Variants in HSD17B11 observed in about 807,000 individuals in gnomAD.
HSD17B11 encodes the protein estradiol 17-beta-dehydrogenase 11.
HSD17B11 carries 22 observed loss-of-function variants against 27.8 expected under a neutral mutation model. The ratio of observed to expected loss-of-function variants is 0.79; its 90% CI spans 0.56 to 1.13. The LOEUF is 1.13. Among genes scored for constraint, HSD17B11 ranks in the 50% most tolerant of loss-of-function variants. The probability of loss-of-function intolerance (pLI) is 0.00; values close to 1 mark genes in which losing one functional copy is unlikely to be tolerated. For synonymous variants in HSD17B11, 117 were observed against 132.8 expected, an observed-to-expected ratio of 0.88 and a Z score of 0.82; for missense variants, 314 against 351.1, an observed-to-expected ratio of 0.89 and a Z score of 0.84.
chr4:87,357,915 A>T (rs1302603807), intron 4 of HSD17B11, among the ~76,000 whole-genome samples: 1 of 134,832 alleles, frequency 7.4e-6, no homozygotes, highest in Non-Finnish European at 1.6e-5. Flanking sequence ...GATAGTATCT[A>T]TCTCAGATTT....
intron 4 of HSD17B11, among the ~76,000 whole-genome samples, chr4:87,365,006 T>G (rs1735590583): frequency 6.6e-6 from 1 of 152,106 alleles, no homozygotes; most frequent in African/African-American, 2.4e-5. Context: ...CCGTCTCTAG[T>G]AAAAATACAA....
At position 87,370,878 on chromosome 4, in the gene HSD17B11, G is replaced by T. The variant is rs1221148158; in HGVS notation, c.557+1831C>A. On this transcript the variant is annotated intron_variant, in intron 4 of 6. Coordinates refer to ENST00000358290, the MANE Select transcript of HSD17B11 (RefSeq NM_016245.5). ...CGCCATTCTCCTGCCTCAGCCTCCC[G>T]AGTAGCTGGGACTACAGGCGCCCGC... Among the ~76,000 whole-genome samples, 3 of 122,388 alleles carry T rather than the reference G, an allele frequency of 2.5e-5. No homozygotes were observed. The East Asian group carries it at 6.0e-4, about 24-fold the overall frequency. 80.3% of individuals were successfully genotyped at this position (122,388 alleles called of 152,430 possible). A position where few individuals can be genotyped will look rare whatever the true frequency, so the allele number is the denominator to read the frequency against.
chr4:87,346,782 G>C (rs932532155), intron 5 of HSD17B11, among the ~76,000 whole-genome samples: 14 of 152,074 alleles, frequency 9.2e-5, no homozygotes, highest in African/African-American at 3.1e-4. Context: ...GCTAAGCTGG[G>C]TGTGGCAGCT....
chr4:87,382,429 T>G (rs1720200526), intron 1 of HSD17B11, 67 bp from the exon 2 acceptor site: 1 of 929,590 alleles, frequency 1.1e-6, no homozygotes, highest in African/African-American at 1.7e-5. Context: ...CAGCTGAAAA[T>G]AATTAAAAAT....
chr4:87,358,363 T>A (rs1735432781), intron 4 of HSD17B11, among the ~76,000 whole-genome samples: 2 of 152,174 alleles, frequency 1.3e-5, no homozygotes, highest in Admixed American at 1.3e-4. Context: ...AGTGCTTGGC[T>A]CTTAGGTGCT....
At chr4:87,378,861 T>A (rs1720011241) in intron 2 of HSD17B11, among the ~76,000 whole-genome samples, 1 of 24,660 alleles carries the variant, frequency 4.1e-5, no homozygotes, top group Non-Finnish European at 7.1e-5. Context: ...TATATAAATA[T>A]ATATAAATAT....
At chr4:87,390,648 G>C (rs28415220) in intron 1 of HSD17B11, among the ~76,000 whole-genome samples, 22,637 of 152,062 alleles carry the variant, frequency 0.15, 1,765 homozygotes, top group East Asian at 0.23. Flanking sequence ...ATTTACAAAT[G>C]GGGCAGTAAC....
intron 5 of HSD17B11, 82 bp downstream of exon 5, chr4:87,357,197 G>T: frequency 7.2e-7 from 1 of 1,392,510 alleles, no homozygotes. Context: ...GTGTTTTCAG[G>T]ATTAAAACAT....
intron 2 of HSD17B11, among the ~76,000 whole-genome samples, chr4:87,381,261 A>C (rs1212869187): frequency 6.6e-6 from 1 of 151,784 alleles, no homozygotes; most frequent in African/African-American, 2.4e-5. Flanking sequence ...TTGCTGAATC[A>C]CACTTTTTAT....
chr4:87,368,151 A>G (rs1190531875), intron 4 of HSD17B11, among the ~76,000 whole-genome samples: 1 of 152,074 alleles, frequency 6.6e-6, no homozygotes, highest in Admixed American at 6.6e-5. Flanking sequence ...TCCCGTCTCT[A>G]CTAAAAATAC....
chr4:87,390,948 AATCAGC>A lies in HSD17B11; in HGVS notation c.117_122del (p.Leu40_Ile41del). ...TCCCAATTCCATGCCCAGCTCCTGTAATCAGCACGATTTCGCCGGTGACTGATTTTC... is the reference window on the plus strand; with the variant it reads ...TCCCAATTCCATGCCCAGCTCCTGTAACGATTTCGCCGGTGACTGATTTTC... On this transcript the variant is annotated inframe_deletion, in exon 1 of 7. Transcript: ENST00000358290. 1 of 1,614,188 alleles carries A rather than the reference AATCAGC, an allele frequency of 6.2e-7. No individual in the cohort carries two copies. Among genetic ancestry groups the A allele is most frequent in the Non-Finnish European group, 8.5e-7 (1 of 1,180,020 alleles).
intron 1 of HSD17B11, among the ~76,000 whole-genome samples, chr4:87,389,673 C>T (rs1436350235): frequency 6.6e-6 from 1 of 152,122 alleles, no homozygotes; most frequent in Non-Finnish European, 1.5e-5. Context: ...CTGGGTTAAC[C>T]CTCATTTAAC....
intron 4 of HSD17B11, 72 bp from the exon 5 acceptor site, chr4:87,357,488 G>T: frequency 7.0e-7 from 1 of 1,422,826 alleles, no homozygotes; most frequent in Non-Finnish European, 9.5e-7. Context: ...GTTCAGCATG[G>T]TCCTCTGCAG....
intron 2 of HSD17B11, among the ~76,000 whole-genome samples, chr4:87,381,149 T>A (rs4585263): frequency 0.32 from 44,314 of 138,720 alleles, 7,176 homozygotes; most frequent in African/African-American, 0.36. Context: ...ATCACGCCAC[T>A]GCACTCCAGC....
At chr4:87,388,610 G>C (rs74486610) in intron 1 of HSD17B11, among the ~76,000 whole-genome samples, 6,128 of 152,228 alleles carry the variant, frequency 0.04, 408 homozygotes, top group African/African-American at 0.14. Context: ...CCACCATATA[G>C]AGTCTTTTAT....
At chr4:87,376,397 C>T (rs532303989) in intron 2 of HSD17B11, among the ~76,000 whole-genome samples, 3 of 150,352 alleles carry the variant, frequency 2.0e-5, no homozygotes, top group South Asian at 2.1e-4. Context: ...CCCAGCTACT[C>T]GAGAGGCTGA....
chr4:87,381,760 CA>C (rs33982875), intron 2 of HSD17B11, among the ~76,000 whole-genome samples: 40,754 of 132,402 alleles, frequency 0.31, 6,441 homozygotes, highest in East Asian at 0.62. Context: ...CCCCCCATCT[CA>C]AAAAAAAAAA....
chr4:87,391,058 G>C lies in HSD17B11; in HGVS notation c.13C>G (p.Leu5Val), dbSNP rs1379092479. 6.2e-7 allele frequency: 1 copy of C among 1,612,128 alleles called. No individual in the cohort carries two copies. The highest frequency in any genetic ancestry group is 1.7e-5 in the Admixed American group (1 of 59,856). The stretch of plus-strand genomic sequence containing the variant: ...AACGGGAGAAGCAGGAGGATGTCCA[G>C]AAGAAATTTCATCCCTTTTGTGGCT... MKFLLDILLLLPLLI... is the reference protein window; with the variant it reads MKFLVDILLLLPLLI... The change falls in exon 1 of 7, where the codon CTG becomes GTG. Residue 5 changes from leucine (L) to valine (V), a missense_variant. Physicochemically the swap from Leu to Val is conservative, Grantham distance 32. Transcript: ENST00000358290.
Position 87,346,887 on chromosome 4 carries a change from A to G in HSD17B11, c.696-6281T>C, listed in dbSNP as rs183035098. 2.3e-3 allele frequency among the ~76,000 whole-genome samples: 346 copies of G among 151,802 alleles called. 1 individual carries two copies. Among genetic ancestry groups the G allele is most frequent in the Non-Finnish European group, 3.8e-3 (261 of 67,954 alleles). On this transcript the variant is annotated intron_variant, in intron 5 of 6. Transcript: ENST00000358290. ...TCTAAAAGAAAAAATATATATATGT[A>G]TATTTTTAAAAAATTTTAAAAACTA...
Sources: allele counts gnomAD v4.1 joint callset (sites outside exome capture counted in the v4.1 genomes callset), GRCh38; gene constraint gnomAD v4.1.1; transcripts MANE v1.5; gene names NCBI Gene and HGNC (gene_info 2026-07-23, HGNC 2026-07-21).